ITGA1: variants seen among roughly 807,000 people sequenced by gnomAD.
The protein encoded by ITGA1 is integrin subunit alpha 1, also known as integrin alpha-1.
Under a neutral mutation model 145.9 loss-of-function variants are expected in ITGA1, and 85 were observed. The ratio of observed to expected loss-of-function variants is 0.58; its 90% CI spans 0.49 to 0.70. ITGA1 has a LOEUF of 0.70. Among genes scored for constraint, ITGA1 ranks in the 30% least tolerant of loss-of-function variants. The probability of loss-of-function intolerance (pLI) is 0.00; values close to 1 mark genes in which losing one functional copy is unlikely to be tolerated. For synonymous variants in ITGA1, 520 were observed against 495.3 expected (o/e 1.05, Z -0.66); for missense variants, 1,351 against 1,418.7 (o/e 0.95, Z 0.77).
At position 52,955,332 on chromosome 5, in the gene ITGA1, G is replaced by C. The variant is rs1176514757; in HGVS notation, c.*2881G>C. 2.7e-5 allele frequency: 4 copies of C among 148,356 alleles called. No individual in the cohort carries two copies. Among genetic ancestry groups the C allele is most frequent in the Non-Finnish European group, 6.0e-5 (4 of 67,202 alleles). The allele number at this position is 148,356 out of a possible 1,614,324, so 9.2% of individuals were successfully genotyped here. ...CTGACTTCAGCACACCACTGAGACA[G>C]ATTACACGATAGACAGATAGATAGA... is the stretch of plus-strand genomic sequence containing the variant. On this transcript the variant is annotated 3_prime_UTR_variant, in exon 29 of 29. Transcript: ENST00000282588.
chr5:52,794,316 C>G lies in ITGA1; in HGVS notation c.61+5902C>G, dbSNP rs540970832. ...TATATTTTGTTACAAATCATATATCCTTACTACAAATTAAATGTACTTTCA... is the reference window on the plus strand; with the variant it reads ...TATATTTTGTTACAAATCATATATCGTTACTACAAATTAAATGTACTTTCA... On this transcript the variant is annotated intron_variant, in intron 1 of 28. Coordinates refer to ENST00000282588, the MANE Select transcript of ITGA1 (RefSeq NM_181501.2). Among the ~76,000 whole-genome samples, 3 of 151,776 alleles carry G rather than the reference C, an allele frequency of 2.0e-5. 1 individual carries two copies. In the South Asian group the frequency reaches 6.2e-4, roughly 32 times the overall value.
intron 6 of ITGA1, among the ~76,000 whole-genome samples, chr5:52,877,220 G>A (rs960431204): frequency 6.6e-6 from 1 of 152,174 alleles, no homozygotes; most frequent in Non-Finnish European, 1.5e-5. Context: ...TGAAAGCAGA[G>A]TTTCAGGACA....
intron 1 of ITGA1, chr5:52,800,892 C>A: frequency 1.2e-6 from 2 of 1,613,152 alleles, no homozygotes; most frequent in Non-Finnish European, 1.7e-6. Context: ...TGGAGGTGAA[C>A]ATCCCTAGGA....
At chr5:52,850,397 T>A (rs1295316803) in intron 2 of ITGA1, among the ~76,000 whole-genome samples, 1 of 152,190 alleles carries the variant, frequency 6.6e-6, no homozygotes, top group Non-Finnish European at 1.5e-5. Context: ...TTTTAGTAAA[T>A]GCAATTTTTG....
At chr5:52,810,232 C>G (rs1449540112) in intron 1 of ITGA1, among the ~76,000 whole-genome samples, 3 of 152,132 alleles carry the variant, frequency 2.0e-5, no homozygotes, top group Non-Finnish European at 4.4e-5. Context: ...ACAGCCACCT[C>G]AGGGAAAGGG....
At chr5:52,916,566 A>C (rs377705131) in intron 15 of ITGA1, among the ~76,000 whole-genome samples, 6 of 152,214 alleles carry the variant, frequency 3.9e-5, no homozygotes, top group African/African-American at 1.2e-4. Flanking sequence ...GGTCAAATTA[A>C]AATGGTACAG....
chr5:52,881,915 A>G lies in ITGA1; in HGVS notation c.667A>G (p.Asn223Asp). ...TGGAGAAAACGTGACCCATGAGTTC[A>G]ACCTCAATAAGTATTCTTCCACCGA... ...QYGENVTHEF[N>D]LNKYSSTEEV... Residue 223 changes from asparagine (N) to aspartate (D), a missense_variant, in exon 7 of 29, where the codon AAC becomes GAC. Coordinates refer to ENST00000282588, the MANE Select transcript of ITGA1 (RefSeq NM_181501.2). 1 of 1,614,012 alleles carries G rather than the reference A, an allele frequency of 6.2e-7. No individual in the cohort carries two copies. The highest frequency in any genetic ancestry group is 8.5e-7 in the Non-Finnish European group (1 of 1,179,922).
intron 1 of ITGA1, among the ~76,000 whole-genome samples, chr5:52,817,451 G>C (rs1433765402): frequency 2.0e-5 from 3 of 152,146 alleles, no homozygotes; most frequent in East Asian, 1.9e-4. Context: ...GGAGTGATCT[G>C]GTTACAAGCT....
intron 1 of ITGA1, among the ~76,000 whole-genome samples, chr5:52,820,513 A>C (rs1303178086): frequency 7.2e-5 from 5 of 69,828 alleles, no homozygotes; most frequent in African/African-American, 2.7e-4. Context: ...CCTAAAACTT[A>C]AAGTATAATA....
At chr5:52,800,374 C>A in intron 1 of ITGA1, 1 of 1,613,064 alleles carries the variant, frequency 6.2e-7, no homozygotes, top group South Asian at 1.1e-5. Flanking sequence ...TTGGTTCTGT[C>A]AGTGAGCCCC....
In ITGA1 at chr5:52,957,047, G is replaced by A. The variant is rs1751315857; in HGVS notation, c.*4596G>A. 2.0e-5 allele frequency: 3 copies of A among 152,144 alleles called. No individual in the cohort carries two copies. The highest frequency in any genetic ancestry group is 1.3e-4 in the Admixed American group (2 of 15,278). 9.4% of individuals were successfully genotyped at this position (152,144 alleles called of 1,614,324 possible). On this transcript the variant is annotated 3_prime_UTR_variant, in exon 29 of 29. Coordinates refer to ENST00000282588, the MANE Select transcript of ITGA1 (RefSeq NM_181501.2). ...ACTCTTAGGTGGAATAAGAAAATTA[G>A]GGTTAAACTGTAACATTGTAATCGG...
intron 23 of ITGA1, among the ~76,000 whole-genome samples, chr5:52,934,588 T>C (rs1750938400): frequency 6.6e-6 from 1 of 151,882 alleles, no homozygotes; most frequent in South Asian, 2.1e-4. Context: ...TTTTAAATCC[T>C]TCATAACAAA....
chr5:52,886,653 G>A (rs180936752), intron 7 of ITGA1, among the ~76,000 whole-genome samples: 1 of 152,320 alleles, frequency 6.6e-6, no homozygotes, highest in East Asian at 1.9e-4. Flanking sequence ...AGGAAATAAA[G>A]GGGGAGGGGA....
chr5:52,832,773 G>GTGTGTGTGTGTGTC (rs754321242), intron 1 of ITGA1, among the ~76,000 whole-genome samples: 1,562 of 83,474 alleles, frequency 0.019, 18 homozygotes, highest in Middle Eastern at 0.059. Context: ...ATCTGTGTGT[G>GTGTGTGTGTGTGTC]TGTGTGTGTG....
intron 8 of ITGA1, among the ~76,000 whole-genome samples, chr5:52,888,660 T>C (rs998035134): frequency 5.3e-5 from 8 of 152,256 alleles, no homozygotes; most frequent in South Asian, 2.1e-4. Flanking sequence ...AAATAAAAAG[T>C]TACCCAAATG....
chr5:52,836,001 T>C (rs926016753), intron 1 of ITGA1, among the ~76,000 whole-genome samples: 1 of 152,220 alleles, frequency 6.6e-6, no homozygotes, highest in Non-Finnish European at 1.5e-5. Context: ...ATTTTCTTGA[T>C]ATCATTAGAA....
rs1284043705 is a variant in ITGA1, at chr5:52,925,371, C to T, written c.2497C>T (p.Arg833Ter). ...ATTEKDLLIV[R>*]SQNDKFNVSL... ...CACTGAAAAGGACCTGCTGATTGTC[C>T]GATCCCAGAATGATAAGTTCAACGT... Residue 833 changes from arginine (R) to a stop codon, truncating the protein, a stop_gained, in exon 19 of 29, where the codon CGA becomes TGA. Transcript: ENST00000282588. LOFTEE classifies it high-confidence loss of function. 11 of 1,613,790 alleles carry T rather than the reference C, an allele frequency of 6.8e-6. No homozygotes were observed. Among genetic ancestry groups the T allele is most frequent in the African/African-American group, 1.3e-5 (1 of 74,906 alleles).
rs567613008 is a variant in ITGA1, at chr5:52,861,613, G to A, written c.295+54G>A. ...AGGCCAGGTGCGGTGAGTCACGCCT[G>A]TAATCCCCACACTTTAAGAGGTCAA... On this transcript the variant is annotated intron_variant, in intron 3 of 28. Transcript: ENST00000282588. 35 of 1,014,024 alleles carry A rather than the reference G, an allele frequency of 3.5e-5. No individual in the cohort carries two copies. In the Middle Eastern group the frequency reaches 6.8e-4, roughly 20 times the overall value. 62.8% of individuals were successfully genotyped at this position (1,014,024 alleles called of 1,614,324 possible). A position where few individuals can be genotyped will look rare whatever the true frequency, so the allele number is the denominator to read the frequency against.
intron 1 of ITGA1, chr5:52,800,856 C>T: frequency 6.2e-7 from 1 of 1,610,288 alleles, no homozygotes. Context: ...TAGTCACTCC[C>T]AGCATGACCC....
Sources: allele counts gnomAD v4.1 joint callset (sites outside exome capture counted in the v4.1 genomes callset), GRCh38; gene constraint gnomAD v4.1.1; transcripts MANE v1.5; gene names NCBI Gene and HGNC (gene_info 2026-07-23, HGNC 2026-07-21).